The following FRMD4A variants were observed in gnomAD, a reference collection of about 807,000 sequenced individuals.
FRMD4A encodes the protein FERM domain-containing protein 4A.
Under a neutral mutation model 129.1 loss-of-function variants are expected in FRMD4A, and 29 were observed. That is an observed-to-expected ratio of 0.22 (90% confidence interval 0.17 to 0.31). The LOEUF is 0.31. Ranked by LOEUF, FRMD4A falls within the 10% of genes least tolerant of loss-of-function variation. The probability of loss-of-function intolerance (pLI) is 1.00; values close to 1 mark genes in which losing one functional copy is unlikely to be tolerated. For missense variants in FRMD4A, 1,272 were observed against 1,375.8 expected (o/e 0.92, Z 1.19); for synonymous variants, 634 against 571.6 (o/e 1.11, Z -1.56).
chr10:14,035,363 G>A (rs1833448324), intron 2 of FRMD4A, among the ~76,000 whole-genome samples: 1 of 149,168 alleles, frequency 6.7e-6, no homozygotes. Context: ...AGTGAGCCAA[G>A]ATCACGCCAT....
intron 2 of FRMD4A, among the ~76,000 whole-genome samples, chr10:13,964,836 C>T (rs920334516): frequency 3.3e-5 from 5 of 151,974 alleles, no homozygotes; most frequent in Admixed American, 2.0e-4. Context: ...CTACAGGTGC[C>T]CATCACAGCC....
intron 2 of FRMD4A, among the ~76,000 whole-genome samples, chr10:14,058,402 C>T (rs1210095942): frequency 1.3e-5 from 2 of 152,248 alleles, no homozygotes; most frequent in East Asian, 1.9e-4. Context: ...CTTTTAGGTA[C>T]GTTGTCTAGT....
chr10:13,666,295 A>G lies in FRMD4A; in HGVS notation c.1405T>C (p.Phe469Leu). 3.1e-6 allele frequency: 5 copies of G among 1,613,834 alleles called. No individual in the cohort carries two copies. The highest frequency in any genetic ancestry group is 4.2e-6 in the Non-Finnish European group (5 of 1,179,902). The change falls in exon 18 of 25, where the codon TTT (phenylalanine) becomes CTT (leucine). Residue 469 changes from phenylalanine (F) to leucine (L), a missense_variant. By Grantham distance (22) the Phe-to-Leu change is conservative. This residue lies in a region of FRMD4A where 972 missense variants were observed against 892.3 expected (regional missense o/e 1.09). Coordinates refer to ENST00000357447, the MANE Select transcript of FRMD4A (RefSeq NM_018027.5). ...TCCGTAATCTGGGACTGAATGGCAA[A>G]CTCTCGTTCCAGGCGTTCCAGCTCA... ...EAELERLERE[F>L]AIQSQITEAA...
At chr10:13,816,186 C>G (rs1358281209) in intron 3 of FRMD4A, among the ~76,000 whole-genome samples, 1 of 152,292 alleles carries the variant, frequency 6.6e-6, no homozygotes, top group African/African-American at 2.4e-5. Context: ...GGAAGAAAAG[C>G]CTACATTTAT....
chr10:14,268,426 A>G (rs956057079), intron 2 of FRMD4A, among the ~76,000 whole-genome samples: 1 of 152,202 alleles, frequency 6.6e-6, no homozygotes, highest in Non-Finnish European at 1.5e-5. Context: ...CTCTTTATCC[A>G]TATTGCTTCA....
At position 13,666,156 on chromosome 10, in the gene FRMD4A, T is replaced by C. The variant is rs767331828; in HGVS notation, c.1544A>G (p.Asn515Ser). ...CTTCCCAGACTTGATGCGGTTCTCA[T>C]TGATTGCATTTTCAATCTCCTGCAG... ...KKLQEIENAI[N>S]ENRIKSGKKP... is the part of the protein sequence containing the mutation. Residue 515 changes from asparagine (N) to serine (S), a missense_variant, in exon 18 of 25, where the codon AAT becomes AGT. By Grantham distance (46) the Asn-to-Ser change is conservative. Coordinates refer to ENST00000357447, the MANE Select transcript of FRMD4A (RefSeq NM_018027.5). 2.0e-5 allele frequency: 32 copies of C among 1,613,538 alleles called. No homozygotes were observed. Among genetic ancestry groups the C allele is most frequent in the African/African-American group, 2.7e-5 (2 of 74,936 alleles).
intron 7 of FRMD4A, 67 bp from the exon 8 acceptor site, chr10:13,761,736 T>G (rs538026470): frequency 1.9e-6 from 2 of 1,038,092 alleles, no homozygotes; most frequent in East Asian, 4.7e-5. Flanking sequence ...TAAAGTACAT[T>G]CTATAATCAT....
intron 4 of FRMD4A, among the ~76,000 whole-genome samples, chr10:13,806,478 T>C (rs2093358984): frequency 6.6e-6 from 1 of 152,302 alleles, no homozygotes; most frequent in East Asian, 1.9e-4. Flanking sequence ...CTGTTAGGAA[T>C]GGAAGCTAGA....
chr10:13,704,831 G>C (rs1209853042), intron 13 of FRMD4A, among the ~76,000 whole-genome samples: 1 of 151,872 alleles, frequency 6.6e-6, no homozygotes, highest in Non-Finnish European at 1.5e-5. Flanking sequence ...AGCACTTTGA[G>C]AGGCCAAGAT....
intron 22 of FRMD4A, chr10:13,655,322 A>ATAAACCCTCCTGTTTG (rs2082048156): frequency 6.6e-6 from 1 of 152,246 alleles, no homozygotes; most frequent in African/African-American, 2.4e-5. Context: ...TTGATAGAAC[A>ATAAACCCTCCTGTTTG]TAAACCCTCC....
chr10:13,893,759 C>CCTGTGTTGGGAT (rs1296445747), intron 2 of FRMD4A, among the ~76,000 whole-genome samples: 1 of 152,204 alleles, frequency 6.6e-6, no homozygotes, highest in Non-Finnish European at 1.5e-5. Flanking sequence ...AGGTGATCCA[C>CCTGTGTTGGGAT]CCACCTTGGC....
rs10906462 is a variant in FRMD4A at position 13,740,124 on chromosome 10, A to T, written c.672+70T>A. ...AAAAGAAAAAGAAAAAGAAGAAAACATATAACGAGATGTTTTGATTTGTTT... is the reference window on the plus strand; with the variant it reads ...AAAAGAAAAAGAAAAAGAAGAAAACTTATAACGAGATGTTTTGATTTGTTT... On this transcript the variant is annotated intron_variant, in intron 11 of 24. Transcript: ENST00000357447. 2.6e-4 allele frequency: 226 copies of T among 874,850 alleles called. 3 individuals are homozygous for T. The East Asian group carries it at 5.1e-3, about 20-fold the overall frequency. 54.2% of individuals were successfully genotyped at this position (874,850 alleles called of 1,614,324 possible).
intron 2 of FRMD4A, among the ~76,000 whole-genome samples, chr10:14,301,857 T>A (rs1846195944): frequency 2.6e-5 from 4 of 152,146 alleles, no homozygotes; most frequent in Admixed American, 2.6e-4. Flanking sequence ...AAATAGAAAT[T>A]GCCTGAAGAG....
rs79105159 is a variant in FRMD4A at position 13,824,145 on chromosome 10, C to G, written c.112-13237G>C. Among the ~76,000 whole-genome samples the G allele has an allele frequency of 6.9e-3, 1,055 of 152,126 alleles. 14 individuals are homozygous for G. The highest frequency in any genetic ancestry group is 0.024 in the African/African-American group (979 of 41,502). Reference sequence around the variant, plus strand: ...CCCTGCATATCCACAGGTTCTGCATCTGTATATTCAACCAACCATGGATCA... The same window carrying G: ...CCCTGCATATCCACAGGTTCTGCATGTGTATATTCAACCAACCATGGATCA... On this transcript the variant is annotated intron_variant, in intron 3 of 24. Coordinates refer to ENST00000357447, the MANE Select transcript of FRMD4A (RefSeq NM_018027.5).
At chr10:13,817,039 G>A (rs1348180586) in intron 3 of FRMD4A, among the ~76,000 whole-genome samples, 2 of 151,922 alleles carry the variant, frequency 1.3e-5, no homozygotes, top group Non-Finnish European at 2.9e-5. Flanking sequence ...TTTTTCCATT[G>A]TCCCTCTTAG....
At chr10:14,154,667 A>C (rs561308531) in intron 2 of FRMD4A, among the ~76,000 whole-genome samples, 1 of 152,186 alleles carries the variant, frequency 6.6e-6, no homozygotes, top group Non-Finnish European at 1.5e-5. Context: ...TTTTGGCTGA[A>C]ATGAAATTGC....
At chr10:13,909,995 T>C (rs1414185727) in intron 2 of FRMD4A, among the ~76,000 whole-genome samples, 5 of 152,250 alleles carry the variant, frequency 3.3e-5, no homozygotes, top group African/African-American at 4.8e-5. Flanking sequence ...TAATGTGTTC[T>C]TAATACATTC....
intron 3 of FRMD4A, among the ~76,000 whole-genome samples, chr10:13,815,268 C>T (rs529981344): frequency 6.6e-6 from 1 of 152,230 alleles, no homozygotes; most frequent in Admixed American, 6.5e-5. Flanking sequence ...TGGATGGAAC[C>T]TGAAGACATT....
At chr10:13,844,307 G>A (rs1372843309) in intron 3 of FRMD4A, among the ~76,000 whole-genome samples, 1 of 152,086 alleles carries the variant, frequency 6.6e-6, no homozygotes, top group African/African-American at 2.4e-5. Flanking sequence ...AGTGAAAATC[G>A]GTGATTTACC....
Sources: allele counts gnomAD v4.1 joint callset (sites outside exome capture counted in the v4.1 genomes callset), GRCh38; gene constraint gnomAD v4.1.1; regional missense constraint gnomAD v4.1.1; transcripts MANE v1.5; gene names NCBI Gene and HGNC (gene_info 2026-07-23, HGNC 2026-07-21).